The following MARK4 variants were observed in gnomAD, a reference collection of about 807,000 sequenced individuals.
MARK4 encodes MAP/microtubule affinity-regulating kinase 4.
A neutral mutation model predicts 81.5 loss-of-function variants in MARK4; 19 were observed. That is an observed-to-expected ratio of 0.23 (90% CI 0.16 to 0.34). The LOEUF (loss-of-function observed/expected upper bound fraction) is 0.34. MARK4 is among the 10% of genes least tolerant of loss of function. The pLI, the probability that MARK4 is intolerant of heterozygous loss-of-function variation, is 1.00. For synonymous variants in MARK4, 436 were observed against 439.0 expected (o/e 0.99, Z 0.08); for missense variants, 772 against 1,058.8 (o/e 0.73, Z 3.76).
chr19:45,280,809 C>G, intron 12 of MARK4, 75 bp downstream of exon 12: 1 of 1,572,172 alleles, frequency 6.4e-7, no homozygotes, highest in Non-Finnish European at 8.7e-7. Context: ...TCAGGGTTCT[C>G]TGATTGGCAA....
chr19:45,272,958 A>C (rs1970549265), intron 8 of MARK4, among the ~76,000 whole-genome samples: 1 of 152,198 alleles, frequency 6.6e-6, no homozygotes, highest in Non-Finnish European at 1.5e-5. Flanking sequence ...AAGCCATCGA[A>C]TTGTGCACTT....
intron 1 of MARK4, among the ~76,000 whole-genome samples, chr19:45,255,327 G>A (rs1970293052): frequency 2.0e-5 from 3 of 152,044 alleles, no homozygotes; most frequent in African/African-American, 4.8e-5. Context: ...TTGGGAGGCC[G>A]AGGTGGGCAG....
chr19:45,268,583 C>CAA (rs1252401187), intron 7 of MARK4, among the ~76,000 whole-genome samples: 3 of 108,058 alleles, frequency 2.8e-5, no homozygotes, highest in East Asian at 2.7e-4. Context: ...GACTCCATCT[C>CAA]AAAAAAAAAA....
chr19:45,296,575 G>A (rs942810023), intron 14 of MARK4, among the ~76,000 whole-genome samples: 2 of 152,244 alleles, frequency 1.3e-5, no homozygotes, highest in Non-Finnish European at 2.9e-5. Context: ...CTAGCTGCAA[G>A]AGAGTCTGGG....
chr19:45,261,872 G>A (rs935699730), intron 2 of MARK4, among the ~76,000 whole-genome samples: 5 of 150,630 alleles, frequency 3.3e-5, no homozygotes, highest in Admixed American at 6.6e-5. Context: ...GGTGGAGGTC[G>A]CGGTGAGCCA....
At position 45,297,900 on chromosome 19, in the gene MARK4, G is replaced by C; in HGVS notation, c.1823G>C (p.Arg608Pro). The change falls in exon 15 of 17, where the codon CGG becomes CCG. Residue 608 changes from arginine to proline, a missense_variant. This residue lies in a region of MARK4 where 548 missense variants were observed against 624.3 expected (regional missense o/e 0.88). Coordinates refer to ENST00000262891, the MANE Select transcript of MARK4 (RefSeq NM_001199867.2). The part of the protein sequence containing the change: ...AHEAAPLPAG[R>P]PRPTTNLFTK... ...GAGGCTGCACCCCTGCCCGCCGGGC[G>C]GCCCCGCCCCACCACCAACCTCTTC... is the stretch of plus-strand genomic sequence containing the variant. 1 of 1,549,922 alleles carries C rather than the reference G, an allele frequency of 6.5e-7. No individual in the cohort carries two copies. The highest frequency in any genetic ancestry group is 8.7e-7 in the Non-Finnish European group (1 of 1,146,712).
chr19:45,293,757 G>A (rs1970848842), intron 13 of MARK4, among the ~76,000 whole-genome samples: 1 of 152,166 alleles, frequency 6.6e-6, no homozygotes, highest in Non-Finnish European at 1.5e-5. Flanking sequence ...ATGGGATGGG[G>A]ACATATATGA....
rs150846012 is a variant in MARK4 at position 45,256,352 on chromosome 19, C to T, written c.52-2637C>T. On this transcript the variant is annotated intron_variant, in intron 1 of 16. Transcript: ENST00000262891. ...CTCGGGAAAGCTGAGGCAGGAGAATCGCTTGAACCCAGGAGGCAGAGGTTG... is the reference window on the plus strand; with the variant it reads ...CTCGGGAAAGCTGAGGCAGGAGAATTGCTTGAACCCAGGAGGCAGAGGTTG... Among the ~76,000 whole-genome samples, 621 of 152,246 alleles carry T rather than the reference C, an allele frequency of 4.1e-3. 2 individuals are homozygous for T. Among genetic ancestry groups the T allele is most frequent in the African/African-American group, 0.015 (603 of 41,546 alleles).
intron 8 of MARK4, among the ~76,000 whole-genome samples, chr19:45,274,389 G>A (rs1204507621): frequency 1.3e-5 from 2 of 152,152 alleles, no homozygotes; most frequent in East Asian, 3.9e-4. Flanking sequence ...TCAGCACTTT[G>A]GGAGGCTGAG....
At chr19:45,252,783 C>T (rs981387132) in intron 1 of MARK4, among the ~76,000 whole-genome samples, 1 of 152,144 alleles carries the variant, frequency 6.6e-6, no homozygotes, top group South Asian at 2.1e-4. Flanking sequence ...TGACCTTCCC[C>T]AGGGCTCAGC....
intron 7 of MARK4, among the ~76,000 whole-genome samples, chr19:45,269,990 G>T (rs1970504509): frequency 6.6e-6 from 1 of 151,976 alleles, no homozygotes; most frequent in Admixed American, 6.6e-5. Context: ...ACCACGCCTG[G>T]CTAATTTTTG....
chr19:45,279,503 A>C (rs1799217459), intron 10 of MARK4, among the ~76,000 whole-genome samples: 1 of 152,162 alleles, frequency 6.6e-6, no homozygotes, highest in South Asian at 2.1e-4. Context: ...GGCGACAAGC[A>C]AAATTCCATC....
At chr19:45,267,996 A>C (rs1024754976) in intron 7 of MARK4, among the ~76,000 whole-genome samples, 2 of 151,918 alleles carry the variant, frequency 1.3e-5, no homozygotes, top group Non-Finnish European at 2.9e-5. Flanking sequence ...GGGTTTCACC[A>C]CGTTGGCCAG....
intron 4 of MARK4, among the ~76,000 whole-genome samples, chr19:45,264,471 CAA>C (rs1015768454): frequency 1.4e-5 from 2 of 146,288 alleles, no homozygotes; most frequent in African/African-American, 2.5e-5. Context: ...GCCTGGGCAA[CAA>C]GAGCAAAACT....
intron 2 of MARK4, among the ~76,000 whole-genome samples, chr19:45,262,721 T>C (rs1970395680): frequency 6.6e-6 from 1 of 152,172 alleles, no homozygotes; most frequent in African/African-American, 2.4e-5. Context: ...GGCCCTGAGT[T>C]CCCCATCCAC....
In MARK4 at chr19:45,257,007, G is replaced by A. The variant is rs191782455; in HGVS notation, c.52-1982G>A. Reference sequence around the variant, plus strand: ...CTTGCTCTGTTGCCCAGGCTGGAGTGCAGTGGCATGATCATAGCTCACTGC... The same window carrying A: ...CTTGCTCTGTTGCCCAGGCTGGAGTACAGTGGCATGATCATAGCTCACTGC... On this transcript the variant is annotated intron_variant, in intron 1 of 16. Coordinates refer to ENST00000262891, the MANE Select transcript of MARK4 (RefSeq NM_001199867.2). 1.7e-3 allele frequency among the ~76,000 whole-genome samples: 258 copies of A among 151,958 alleles called. 2 individuals carry two copies. The highest frequency in any genetic ancestry group is 5.8e-3 in the African/African-American group (240 of 41,452).
At chr19:45,257,057 C>T (rs762876837) in intron 1 of MARK4, among the ~76,000 whole-genome samples, 1 of 151,754 alleles carries the variant, frequency 6.6e-6, no homozygotes, top group Non-Finnish European at 1.5e-5. Flanking sequence ...GGGGCTCAAG[C>T]GATCTTCCCA....
At chr19:45,262,987 A>T (rs1970399064) in intron 2 of MARK4, 126 bp from the exon 3 acceptor site, 1 of 1,105,478 alleles carries the variant, frequency 9.0e-7, no homozygotes, top group Admixed American at 2.2e-5. Context: ...CTGGTCTCGA[A>T]CTCCTGGCCT....
At chr19:45,265,565 G>A (rs905509914) in intron 6 of MARK4, among the ~76,000 whole-genome samples, 1 of 150,652 alleles carries the variant, frequency 6.6e-6, no homozygotes, top group Non-Finnish European at 1.5e-5. Flanking sequence ...GGGATAAGAA[G>A]AAGTGCAGGT....
Sources: allele counts gnomAD v4.1 joint callset (sites outside exome capture counted in the v4.1 genomes callset), GRCh38; gene constraint gnomAD v4.1.1; regional missense constraint gnomAD v4.1.1; transcripts MANE v1.5; gene names NCBI Gene and HGNC (gene_info 2026-07-23, HGNC 2026-07-21).